PRIMA1: variants seen among roughly 807,000 people sequenced by gnomAD.
PRIMA1 encodes the protein proline-rich membrane anchor 1.
A neutral mutation model predicts 17.5 loss-of-function variants in PRIMA1; 7 were observed. The observed-to-expected ratio is 0.40, with a 90% CI of 0.23 to 0.75. The LOEUF (loss-of-function observed/expected upper bound fraction) is 0.75, where lower values mean the gene tolerates loss of function less well. PRIMA1 is among the 30% of genes least tolerant of loss of function. The pLI, the probability that PRIMA1 is intolerant of heterozygous loss-of-function variation, is 0.37. For missense variants in PRIMA1, 200 were observed against 201.8 expected, an observed-to-expected ratio of 0.99 and a Z score of 0.05; for synonymous variants, 97 against 77.9, an observed-to-expected ratio of 1.25 and a Z score of -1.29.
At chr14:93,738,382 G>C (rs566961947) in intron 3 of PRIMA1, among the ~76,000 whole-genome samples, 25 of 152,246 alleles carry the variant, frequency 1.6e-4, no homozygotes, top group Admixed American at 1.0e-3. Flanking sequence ...ATTGCAAAAG[G>C]AATGGGAGGG....
At chr14:93,762,736 T>C (rs2141181025) in intron 3 of PRIMA1, among the ~76,000 whole-genome samples, 1 of 152,204 alleles carries the variant, frequency 6.6e-6, no homozygotes, top group Admixed American at 6.5e-5. Flanking sequence ...AGCCCTACCT[T>C]ACACGGGCTC....
At chr14:93,770,436 C>T (rs887298279) in intron 3 of PRIMA1, among the ~76,000 whole-genome samples, 1 of 152,244 alleles carries the variant, frequency 6.6e-6, no homozygotes, top group Admixed American at 6.5e-5. Flanking sequence ...TAGCAGGCAG[C>T]AGCCACGCTG....
At chr14:93,722,661 T>C (rs61981657) in intron 4 of PRIMA1, among the ~76,000 whole-genome samples, 118,764 of 150,652 alleles carry the variant, frequency 0.79, 46,936 homozygotes, top group Non-Finnish European at 0.82. Flanking sequence ...GCGATGGTGA[T>C]AGCGGTAATG....
chr14:93,741,930 G>A (rs1189168214), intron 3 of PRIMA1, among the ~76,000 whole-genome samples: 1 of 152,142 alleles, frequency 6.6e-6, no homozygotes, highest in African/African-American at 2.4e-5. Flanking sequence ...GGCTTTGTCC[G>A]CTGTATTCAT....
chr14:93,747,804 A>T (rs1331236238), intron 3 of PRIMA1, among the ~76,000 whole-genome samples: 1 of 112,722 alleles, frequency 8.9e-6, no homozygotes, highest in Non-Finnish European at 1.9e-5. Flanking sequence ...GTGTAAGGGG[A>T]CTGAGTGTGT....
chr14:93,759,586 G>T (rs1026400661), intron 3 of PRIMA1, among the ~76,000 whole-genome samples: 1 of 152,234 alleles, frequency 6.6e-6, no homozygotes, highest in Admixed American at 6.5e-5. Context: ...GCAAAAAAGA[G>T]AGCATGACGG....
chr14:93,725,181 G>T (rs1450610162), intron 4 of PRIMA1, among the ~76,000 whole-genome samples: 1 of 152,168 alleles, frequency 6.6e-6, no homozygotes, highest in Non-Finnish European at 1.5e-5. Flanking sequence ...AGAGGGGCTT[G>T]GCAGAGGCTC....
chr14:93,728,117 G>A (rs760021466), intron 4 of PRIMA1, among the ~76,000 whole-genome samples: 14 of 152,194 alleles, frequency 9.2e-5, no homozygotes, highest in Non-Finnish European at 1.6e-4. Context: ...GGCACAGGGC[G>A]CCTCTCTTCA....
intron 3 of PRIMA1, among the ~76,000 whole-genome samples, chr14:93,749,484 T>G (rs767851661): frequency 2.6e-5 from 4 of 151,982 alleles, no homozygotes; most frequent in Non-Finnish European, 5.9e-5. Context: ...ACCAAGTAAA[T>G]GCAGACTGAT....
intron 3 of PRIMA1, among the ~76,000 whole-genome samples, chr14:93,777,863 T>G (rs1885266411): frequency 1.3e-5 from 2 of 152,174 alleles, no homozygotes; most frequent in Admixed American, 6.5e-5. Context: ...CAAGAAGACC[T>G]GAAGGGATGC....
intron 3 of PRIMA1, among the ~76,000 whole-genome samples, chr14:93,767,003 C>T (rs900901726): frequency 6.6e-6 from 1 of 152,334 alleles, no homozygotes; most frequent in Non-Finnish European, 1.5e-5. Flanking sequence ...GGCATCAAGT[C>T]TTGGAGCCCA....
At chr14:93,741,967 G>A (rs952712622) in intron 3 of PRIMA1, among the ~76,000 whole-genome samples, 1 of 152,298 alleles carries the variant, frequency 6.6e-6, no homozygotes, top group Non-Finnish European at 1.5e-5. Context: ...CTGTAAAGAC[G>A]ATGAAGCTGG....
chr14:93,776,190 A>G (rs2141191325), intron 3 of PRIMA1, among the ~76,000 whole-genome samples: 1 of 152,298 alleles, frequency 6.6e-6, no homozygotes, highest in East Asian at 1.9e-4. Flanking sequence ...ATCATTTGAG[A>G]CCATGGATTC....
intron 4 of PRIMA1, among the ~76,000 whole-genome samples, chr14:93,736,377 G>C (rs1192813903): frequency 6.6e-6 from 1 of 152,238 alleles, no homozygotes; most frequent in African/African-American, 2.4e-5. Flanking sequence ...TGAACTAAGA[G>C]AACGTTGGTG....
chr14:93,735,473 G>C (rs1429370806), intron 4 of PRIMA1, among the ~76,000 whole-genome samples: 1 of 152,056 alleles, frequency 6.6e-6, no homozygotes, highest in Non-Finnish European at 1.5e-5. Context: ...ATGCTTTATG[G>C]TCCAGATCAG....
At chr14:93,727,756 C>T (rs1461345889) in intron 4 of PRIMA1, among the ~76,000 whole-genome samples, 2 of 152,200 alleles carry the variant, frequency 1.3e-5, no homozygotes, top group East Asian at 1.9e-4. Flanking sequence ...CCCCAGGTCA[C>T]GGAACCCCCC....
chr14:93,753,899 A>T (rs2076275423), intron 3 of PRIMA1, among the ~76,000 whole-genome samples: 2 of 152,134 alleles, frequency 1.3e-5, no homozygotes, highest in South Asian at 4.2e-4. Flanking sequence ...CCTTCATAAC[A>T]GATGCTATGA....
chr14:93,745,667 C>T (rs1328306653), intron 3 of PRIMA1, among the ~76,000 whole-genome samples: 1 of 152,248 alleles, frequency 6.6e-6, no homozygotes, highest in Non-Finnish European at 1.5e-5. Flanking sequence ...ACCCCCTCTC[C>T]ACCTTCTTCC....
intron 2 of PRIMA1, among the ~76,000 whole-genome samples, chr14:93,782,002 T>C (rs960895879): frequency 2.0e-5 from 3 of 150,558 alleles, no homozygotes; most frequent in Non-Finnish European, 4.4e-5. Context: ...GCGCAGTGGC[T>C]CACGCCTGTA....
Sources: gnomAD v4.1 joint callset for allele counts (sites outside exome capture counted in the v4.1 genomes callset) on GRCh38, gnomAD v4.1.1 for gene constraint, MANE v1.5 for transcripts, NCBI Gene and HGNC (gene_info 2026-07-23, HGNC 2026-07-21) for gene names.